ASNS: variants seen among roughly 807,000 people sequenced by gnomAD.
The protein encoded by ASNS is asparagine synthetase [glutamine-hydrolyzing].
Under a neutral mutation model 62.6 loss-of-function variants are expected in ASNS, and 37 were observed. The observed-to-expected ratio is 0.59, with a 90% CI of 0.45 to 0.78. The LOEUF is 0.78. Ranked by LOEUF, ASNS falls within the 30% of genes least tolerant of loss-of-function variation. The pLI is 0.00. For missense variants in ASNS, 520 were observed against 682.4 expected, an observed-to-expected ratio of 0.76 and a Z score of 2.65; for synonymous variants, 207 against 237.9, an observed-to-expected ratio of 0.87 and a Z score of 1.19.
intron 4 of ASNS, among the ~76,000 whole-genome samples, chr7:97,861,033 T>TTC (rs1308859968): frequency 1.3e-5 from 2 of 149,836 alleles, no homozygotes; most frequent in East Asian, 3.9e-4. Context: ...CTTTTTTTTT[T>TTC]TTTTTTTGAG....
intron 2 of ASNS, 73 bp downstream of exon 2, chr7:97,869,705 G>GAA (rs1792160231): frequency 6.5e-6 from 1 of 153,906 alleles, no homozygotes; most frequent in African/African-American, 2.4e-5. Context: ...GGGTACAACA[G>GAA]AAAATCATAC....
At chr7:97,874,994 A>G (rs923863089), upstream of ASNS, among the ~76,000 whole-genome samples, 3 of 152,206 alleles carry the variant, frequency 2.0e-5, no homozygotes, top group Non-Finnish European at 4.4e-5. Context: ...AGTGGTAGAT[A>G]TTGGTATTTG....
chr7:97,866,339 C>T (rs1791966085), intron 3 of ASNS, among the ~76,000 whole-genome samples: 1 of 152,198 alleles, frequency 6.6e-6, no homozygotes. Context: ...ATGCCCAGTG[C>T]TTCCACCACT....
the ASNS span, among the ~76,000 whole-genome samples, chr7:97,906,243 C>CCCACCACCA: frequency 6.6e-6 from 1 of 151,742 alleles, no homozygotes; most frequent in Admixed American, 6.6e-5. Flanking sequence ...CTACCAGTTT[C>CCCACCACCA]CCACCACCAC....
the ASNS span, among the ~76,000 whole-genome samples, chr7:97,907,401 T>C: frequency 1.3e-5 from 2 of 152,190 alleles, no homozygotes; most frequent in African/African-American, 2.4e-5. Flanking sequence ...ATATAGCACA[T>C]GGCCTCTTCA....
At chr7:97,921,556 C>T in the ASNS span, among the ~76,000 whole-genome samples, 1 of 152,290 alleles carries the variant, frequency 6.6e-6, no homozygotes, top group East Asian at 1.9e-4. Context: ...CAGCAGCTGG[C>T]ACACAGGAGC....
intron 9 of ASNS, chr7:97,854,979 T>A: frequency 3.0e-6 from 1 of 335,798 alleles, no homozygotes; most frequent in Non-Finnish European, 5.3e-6. Context: ...TTTTAACTTT[T>A]TTTTTTTTTT....
chr7:97,884,866 A>G, the ASNS span, among the ~76,000 whole-genome samples: 4 of 152,248 alleles, frequency 2.6e-5, no homozygotes, highest in Non-Finnish European at 5.9e-5. Context: ...CGCTGTATCC[A>G]TGAGCAGTTT....
chr7:97,909,334 C>T, the ASNS span, among the ~76,000 whole-genome samples: 6 of 126,044 alleles, frequency 4.8e-5, no homozygotes, highest in South Asian at 2.6e-4. Flanking sequence ...GACAGAGTCT[C>T]GCTCTGTCAC....
chr7:97,922,114 C>CA, the ASNS span, among the ~76,000 whole-genome samples: 41 of 152,244 alleles, frequency 2.7e-4, no homozygotes, highest in Admixed American at 9.2e-4. Flanking sequence ...CCTGTAATCC[C>CA]AGCACTTTGG....
chr7:97,854,530 T>C, intron 10 of ASNS, 50 bp downstream of exon 10: 2 of 1,586,682 alleles, frequency 1.3e-6, no homozygotes, highest in Non-Finnish European at 1.7e-6. Flanking sequence ...TTTTGTTTTG[T>C]TTTTGGTGTT....
chr7:97,901,403 G>A, the ASNS span, among the ~76,000 whole-genome samples: 1 of 152,104 alleles, frequency 6.6e-6, no homozygotes, highest in Admixed American at 6.5e-5. Flanking sequence ...ATGTTGGCCA[G>A]GCTGTGCTCA....
At chr7:97,853,673 GAA>G (rs1791296656) in intron 10 of ASNS, among the ~76,000 whole-genome samples, 1 of 152,106 alleles carries the variant, frequency 6.6e-6, no homozygotes, top group Admixed American at 6.6e-5. Flanking sequence ...TCAAAAAGCA[GAA>G]AAAGTTACAA....
At chr7:97,860,412 A>G (rs2115671572) in intron 4 of ASNS, among the ~76,000 whole-genome samples, 1 of 152,328 alleles carries the variant, frequency 6.6e-6, no homozygotes, top group South Asian at 2.1e-4. Flanking sequence ...AGGCTCAAAG[A>G]AGGCCCAGGG....
At chr7:97,921,379 A>G in the ASNS span, among the ~76,000 whole-genome samples, 2 of 152,174 alleles carry the variant, frequency 1.3e-5, no homozygotes, top group African/African-American at 2.4e-5. Context: ...TCAACTCTCT[A>G]TTGTAGCAGG....
the ASNS span, among the ~76,000 whole-genome samples, chr7:97,916,687 G>A: frequency 2.0e-5 from 3 of 152,224 alleles, no homozygotes; most frequent in Non-Finnish European, 4.4e-5. Context: ...AGAGGTGGCT[G>A]TTGCCTGGGT....
At chr7:97,889,927 C>CAAAAAAAAAAAAAAAAAAAAA in the ASNS span, among the ~76,000 whole-genome samples, 16 of 38,564 alleles carry the variant, frequency 4.1e-4, no homozygotes, top group Admixed American at 8.9e-4. Flanking sequence ...ATAATGAATA[C>CAAAAAAAAAAAAAAAAAAAAA]AAAAAAAAAA....
chr7:97,916,171 G>A, the ASNS span, among the ~76,000 whole-genome samples: 435 of 152,184 alleles, frequency 2.9e-3, no homozygotes, highest in Middle Eastern at 6.8e-3. Flanking sequence ...CTGAGGTCAG[G>A]AGTTCCAGAC....
the ASNS span, among the ~76,000 whole-genome samples, chr7:97,910,641 AC>A: frequency 2.7e-5 from 4 of 148,638 alleles, no homozygotes; most frequent in Admixed American, 6.8e-5. Flanking sequence ...CGTTCTTGCC[AC>A]CCAGGCTGGC....
Sources: gnomAD v4.1 joint callset for allele counts (sites outside exome capture counted in the v4.1 genomes callset) on GRCh38, gnomAD v4.1.1 for gene constraint, MANE v1.5 for transcripts, NCBI Gene and HGNC (gene_info 2026-07-23, HGNC 2026-07-21) for gene names.